Variants in FKBP15 observed in about 807,000 individuals in gnomAD.
The protein encoded by FKBP15 is FK506-binding protein 15.
A neutral mutation model predicts 158.1 loss-of-function variants in FKBP15; 106 were observed. The observed-to-expected ratio is 0.67, with a 90% CI of 0.57 to 0.79. FKBP15 has a LOEUF of 0.79. Among genes scored for constraint, FKBP15 ranks in the 30% least tolerant of loss-of-function variants. FKBP15 has a pLI of 0.00. For synonymous variants in FKBP15, 547 were observed against 548.6 expected, an observed-to-expected ratio of 1.00 and a Z score of 0.04; for missense variants, 1,287 against 1,479.1, an observed-to-expected ratio of 0.87 and a Z score of 2.13.
At position 113,218,377 on chromosome 9, in the gene FKBP15, TTATATATATATA is replaced by T. The variant is rs10539484; in HGVS notation, c.53+2802_53+2813del. ...ACCTCATAGAGAGGAGTAAATACAA[TTATATATATATA>T]TATATATATATATATATATATATAC... On this transcript the variant is annotated intron_variant, in intron 1 of 27. Coordinates refer to ENST00000238256, the MANE Select transcript of FKBP15 (RefSeq NM_015258.2). Among the ~76,000 whole-genome samples the T allele has an allele frequency of 4.5e-3, 452 of 101,492 alleles. 5 individuals are homozygous for T. The highest frequency in any genetic ancestry group is 7.3e-3 in the South Asian group (24 of 3,272). The allele number at this position is 101,492 out of a possible 152,430, so 66.6% of individuals were successfully genotyped here.
Position 113,194,201 on chromosome 9 carries a change from G to A in FKBP15, c.865-32C>T, listed in dbSNP as rs779598245. On this transcript the variant is annotated intron_variant, in intron 9 of 27. Transcript: ENST00000238256. ...AAACACCGCATATTCTCACTCATAG[G>A]TGGGAATTGAACAATGAGATCACAT... is the stretch of plus-strand genomic sequence containing the variant. The A allele has an allele frequency of 1.0e-5, 16 of 1,543,662 alleles. No individual in the cohort carries two copies. The South Asian group carries it at 1.5e-4, about 15-fold the overall frequency.
intron 23 of FKBP15, among the ~76,000 whole-genome samples, chr9:113,172,659 C>G (rs1025958999): frequency 6.6e-6 from 1 of 152,168 alleles, no homozygotes; most frequent in South Asian, 2.1e-4. Flanking sequence ...GGTTGCTTGC[C>G]TTGTTCCCAA....
In FKBP15 at chr9:113,212,347, C is replaced by T. The variant is rs182993792; in HGVS notation, c.54-755G>A. 3.5e-3 allele frequency among the ~76,000 whole-genome samples: 526 copies of T among 152,216 alleles called. 3 individuals are homozygous for T. Among genetic ancestry groups the T allele is most frequent in the African/African-American group, 0.012 (489 of 41,520 alleles). ...GGGACTACAGGCGCGTGTCACCACA[C>T]CCGGCTAATTTTTGTATTTTTAGTA... On this transcript the variant is annotated intron_variant, in intron 1 of 27. Coordinates refer to ENST00000238256, the MANE Select transcript of FKBP15 (RefSeq NM_015258.2).
At chr9:113,172,431 T>C (rs1429226385) in intron 23 of FKBP15, among the ~76,000 whole-genome samples, 1 of 152,160 alleles carries the variant, frequency 6.6e-6, no homozygotes, top group East Asian at 1.9e-4. Context: ...CACACTGTCT[T>C]CCACAATGGT....
At position 113,221,045 on chromosome 9, in the gene FKBP15, GATTC is replaced by G. The variant is rs928389387; in HGVS notation, c.53+142_53+145del. 5.7e-5 allele frequency: 49 copies of G among 858,510 alleles called. No individual in the cohort carries two copies. The African/African-American group carries it at 8.0e-4, about 14-fold the overall frequency. 53.2% of individuals were successfully genotyped at this position (858,510 alleles called of 1,614,324 possible). ...TCAGCACAGTTGCAAGTTCTGCCCAGATTCTGAGAGGTGTAGAGCACCGGAATGT... is the reference window on the plus strand; with the variant it reads ...TCAGCACAGTTGCAAGTTCTGCCCAGTGAGAGGTGTAGAGCACCGGAATGT... On this transcript the variant is annotated intron_variant, in intron 1 of 27. Coordinates refer to ENST00000238256, the MANE Select transcript of FKBP15 (RefSeq NM_015258.2).
In FKBP15 at chr9:113,199,921, C is replaced by T; in HGVS notation, c.541G>A (p.Val181Met). ...KCNSTSSLDA[V>M]LSQDLIVADG... ...GCCACAATGAGGTCCTGGGAGAGCA[C>T]TGCATCCAGGGAAGAGGTACTGTTG... The change falls in exon 7 of 28, where the codon GTG (valine) becomes ATG (methionine). Residue 181 changes from valine (V) to methionine (M), a missense_variant. Transcript: ENST00000238256. 5.0e-6 allele frequency: 8 copies of T among 1,613,480 alleles called. No homozygotes were observed. The highest frequency in any genetic ancestry group is 6.8e-6 in the Non-Finnish European group (8 of 1,179,694).
intron 4 of FKBP15, among the ~76,000 whole-genome samples, chr9:113,205,780 C>T (rs1830873968): frequency 6.6e-6 from 1 of 152,114 alleles, no homozygotes; most frequent in Non-Finnish European, 1.5e-5. Context: ...TGTCCATCAA[C>T]TGATGAATGA....
Position 113,184,455 on chromosome 9 carries a change from A to G in FKBP15, c.1609-56T>C. ...AGAAATTATAAAATGAAGAAATACA[A>G]TTTACCCAAGATTTGACCCTGTTGT... On this transcript the variant is annotated intron_variant, in intron 16 of 27. Coordinates refer to ENST00000238256, the MANE Select transcript of FKBP15 (RefSeq NM_015258.2). This position sits in a 1 kb window ranked among gnomAD's most constrained non-coding sequence, Gnocchi z 4.5. The G allele has an allele frequency of 7.3e-7, 1 of 1,370,762 alleles. No homozygotes were observed. The highest frequency in any genetic ancestry group is 1.2e-5 in the South Asian group (1 of 80,292). 84.9% of individuals were successfully genotyped at this position (1,370,762 alleles called of 1,614,324 possible). A position where few individuals can be genotyped will look rare whatever the true frequency, so the allele number is the denominator to read the frequency against.
Position 113,164,488 on chromosome 9 carries a change from A to C in FKBP15, c.*1590T>G, listed in dbSNP as rs368884752. On this transcript the variant is annotated 3_prime_UTR_variant, in exon 28 of 28. Transcript: ENST00000238256. The stretch of plus-strand genomic sequence containing the variant: ...CTTCTCTCCCTGCGGGCAGAAGCAA[A>C]TATAATAGCCACTAGTTAATTTACA... 9 of 152,384 alleles carry C rather than the reference A, an allele frequency of 5.9e-5. No homozygotes were observed. Among genetic ancestry groups the C allele is most frequent in the South Asian group, 2.1e-4 (1 of 4,830 alleles). The allele number at this position is 152,384 out of a possible 1,614,324, so 9.4% of individuals were successfully genotyped here.
intron 23 of FKBP15, among the ~76,000 whole-genome samples, chr9:113,172,572 C>A (rs10739387): frequency 0.5 from 76,671 of 151,986 alleles, 19,531 homozygotes; most frequent in East Asian, 0.72. Flanking sequence ...CCCCCACCCA[C>A]GACCCTCTGC....
Position 113,163,194 on chromosome 9 carries a change from G to A in FKBP15, c.*2884C>T, listed in dbSNP as rs1830045762. On this transcript the variant is annotated 3_prime_UTR_variant, in exon 28 of 28. Coordinates refer to ENST00000238256, the MANE Select transcript of FKBP15 (RefSeq NM_015258.2). ...GAATGGAGATAACAGGGGTGGCAGG[G>A]TTACTGAGCCCATGACAATGCTTCT... The A allele has an allele frequency of 3.7e-6, 1 of 268,300 alleles. No homozygotes were observed. The highest frequency in any genetic ancestry group is 2.2e-5 in the African/African-American group (1 of 45,238). 16.6% of individuals were successfully genotyped at this position (268,300 alleles called of 1,614,324 possible).
intron 14 of FKBP15, 77 bp downstream of exon 14, chr9:113,187,716 G>T: frequency 8.4e-7 from 1 of 1,189,214 alleles, no homozygotes; most frequent in South Asian, 1.3e-5. Flanking sequence ...TGTATGAAAT[G>T]TACAGGAAGA....
intron 1 of FKBP15, 32 bp from the exon 2 acceptor site, chr9:113,211,624 C>A (rs185799016): frequency 6.7e-7 from 1 of 1,483,334 alleles, no homozygotes. Flanking sequence ...TGAAATTTCA[C>A]TGATATATCC....
chr9:113,171,735 C>A, intron 23 of FKBP15, 29 bp from the exon 24 acceptor site: 2 of 1,416,866 alleles, frequency 1.4e-6, no homozygotes, highest in East Asian at 2.6e-5. Flanking sequence ...GTGGCTGTGG[C>A]CTCAGGAACC....
chr9:113,169,478 C>G lies in FKBP15; in HGVS notation c.3231G>C (p.Lys1077Asn), dbSNP rs1652393280. 1.2e-6 allele frequency: 2 copies of G among 1,613,904 alleles called. No homozygotes were observed. The highest frequency in any genetic ancestry group is 2.2e-5 in the South Asian group (2 of 91,092). The change falls in exon 26 of 28, where the codon AAG becomes AAC. Residue 1077 changes from lysine (K) to asparagine (N), a missense_variant. Lys to Asn is a moderately conservative substitution (Grantham distance 94, BLOSUM62 0). Coordinates refer to ENST00000238256, the MANE Select transcript of FKBP15 (RefSeq NM_015258.2). Reference protein sequence around the residue: ...MAAKPDNPSGKVCVREVAPDG... With the variant: ...MAAKPDNPSGNVCVREVAPDG... ...CTGGTGCTACTTCCCTGACACAGACCTTTCCTGATGGGTTGTCGGGCTTAG... is the reference window on the plus strand; with the variant it reads ...CTGGTGCTACTTCCCTGACACAGACGTTTCCTGATGGGTTGTCGGGCTTAG...
chr9:113,198,851 T>C lies in FKBP15; in HGVS notation c.717+4A>G, dbSNP rs141288448. On this transcript the variant is annotated splice_donor_region_variant and intron_variant, in intron 8 of 27. Coordinates refer to ENST00000238256, the MANE Select transcript of FKBP15 (RefSeq NM_015258.2). The surrounding 1 kb of genome is among the most constrained non-coding windows in gnomAD (Gnocchi z 5.2). Reference sequence around the variant, plus strand: ...ACCATAAAAAAACACAGTTAAGCCTTTACCTTGATGACTTTTCCTGATCCT... The same window carrying C: ...ACCATAAAAAAACACAGTTAAGCCTCTACCTTGATGACTTTTCCTGATCCT... 2,912 of 1,598,398 alleles carry C rather than the reference T, an allele frequency of 1.8e-3. 4 individuals are homozygous for C. The highest frequency in any genetic ancestry group is 2.3e-3 in the Non-Finnish European group (2,642 of 1,171,248).
chr9:113,221,238 G>A lies in FKBP15; in HGVS notation c.6C>T (p.Phe2=). The change falls in exon 1 of 28, where the codon TTC becomes TTT. Residue 2 remains phenylalanine (F), a synonymous_variant. Coordinates refer to ENST00000238256, the MANE Select transcript of FKBP15 (RefSeq NM_015258.2). ...CGGTGTCGTCCTCGTCCCCCGCACCGAACATTGCGTTGGCTTTCACCGGGT... is the reference window on the plus strand; with the variant it reads ...CGGTGTCGTCCTCGTCCCCCGCACCAAACATTGCGTTGGCTTTCACCGGGT... The part of the protein sequence containing the change: M[F]GAGDEDDTDF... 2 of 1,607,358 alleles carry A rather than the reference G, an allele frequency of 1.2e-6. No homozygotes were observed. The highest frequency in any genetic ancestry group is 1.7e-6 in the Non-Finnish European group (2 of 1,177,152).
At chr9:113,182,632 G>A in intron 19 of FKBP15, 134 bp downstream of exon 19, 5 of 679,034 alleles carry the variant, frequency 7.4e-6, no homozygotes, top group Non-Finnish European at 1.3e-5. Context: ...ATGAAAACCT[G>A]CTGGGAGATA....
Position 113,161,451 on chromosome 9 carries a change from C to G in FKBP15, c.*4627G>C. On this transcript the variant is annotated 3_prime_UTR_variant, in exon 28 of 28. Coordinates refer to ENST00000238256, the MANE Select transcript of FKBP15 (RefSeq NM_015258.2). ...TGGATTCCATGAACAGGTGGAGGTGCTGGAAGGGAAACAGTGCTGGCCTGG... is the reference window on the plus strand; with the variant it reads ...TGGATTCCATGAACAGGTGGAGGTGGTGGAAGGGAAACAGTGCTGGCCTGG... 1 of 1,505,484 alleles carries G rather than the reference C, an allele frequency of 6.6e-7. No homozygotes were observed. Among genetic ancestry groups the G allele is most frequent in the Non-Finnish European group, 9.2e-7 (1 of 1,088,228 alleles). The allele number at this position is 1,505,484 out of a possible 1,614,324, so 93.3% of individuals were successfully genotyped here. A position where few individuals can be genotyped will look rare whatever the true frequency, so the allele number is the denominator to read the frequency against.
Sources: allele counts gnomAD v4.1 joint callset (sites outside exome capture counted in the v4.1 genomes callset), GRCh38; gene constraint gnomAD v4.1.1; non-coding constraint Gnocchi (gnomAD v3.1); transcripts MANE v1.5; gene names NCBI Gene and HGNC (gene_info 2026-07-23, HGNC 2026-07-21).